GPR143: variants seen among roughly 807,000 people sequenced by gnomAD.
GPR143 encodes the protein G protein-coupled receptor 143, also known as G-protein coupled receptor 143.
Under a neutral mutation model 27.6 loss-of-function variants are expected in GPR143, and 8 were observed. The observed-to-expected ratio is 0.29, with a 90% CI of 0.17 to 0.52. The LOEUF (loss-of-function observed/expected upper bound fraction) is 0.52. Among genes scored for constraint, GPR143 ranks in the 20% least tolerant of loss-of-function variants. GPR143 has a pLI of 0.96. For synonymous variants in GPR143, 156 were observed against 153.2 expected (o/e 1.02, Z -0.13); for missense variants, 303 against 343.1 (o/e 0.88, Z 0.92).
At chrX:9,748,793 G>A (rs1341733389) in intron 3 of GPR143, 127 bp from the exon 4 acceptor site, 7 of 500,518 alleles carry the variant, frequency 1.4e-5, no homozygotes, top group Non-Finnish European at 2.2e-5. Flanking sequence ...CCTCGGCAAA[G>A]AGTTTCCTCG....
intron 3 of GPR143, among the ~76,000 whole-genome samples, chrX:9,754,159 C>A (rs1317979366): frequency 8.9e-6 from 1 of 111,834 alleles, no homozygotes; most frequent in African/African-American, 3.3e-5. Context: ...TCACAACCCC[C>A]ACCCCATCGG....
At position 9,765,803 on chromosome X, in the gene GPR143, G is replaced by T; in HGVS notation, c.15C>A (p.Arg5=). MASP[R]LGTFCCPTRD... is the part of the protein sequence containing the mutation. ...GCGTGGGGCAGCAGAAGGTCCCTAGGCGCGGGGAGGCCATGGGCTGTGTTC... is the reference window on the plus strand; with the variant it reads ...GCGTGGGGCAGCAGAAGGTCCCTAGTCGCGGGGAGGCCATGGGCTGTGTTC... The change falls in exon 1 of 9, where the codon CGC becomes CGA. Residue 5 remains arginine, a synonymous_variant. Coordinates refer to ENST00000467482, the MANE Select transcript of GPR143 (RefSeq NM_000273.3). The T allele has an allele frequency of 8.9e-7, 1 of 1,117,848 alleles. No homozygotes were observed. Among genetic ancestry groups the T allele is most frequent in the Non-Finnish European group, 1.2e-6 (1 of 853,234 alleles). The allele number at this position is 1,117,848 out of a possible 1,213,427, so 92.1% of individuals were successfully genotyped here.
chrX:9,760,537 G>C (rs1200698064), intron 2 of GPR143, among the ~76,000 whole-genome samples, 180 bp downstream of exon 2: 2 of 111,674 alleles, frequency 1.8e-5, no homozygotes, highest in Non-Finnish European at 3.8e-5. Flanking sequence ...AACAACACTT[G>C]AGTGTCTGGG....
At chrX:9,738,998 T>C (rs187218371) in intron 8 of GPR143, among the ~76,000 whole-genome samples, 16 of 112,438 alleles carry the variant, frequency 1.4e-4, no homozygotes, top group African/African-American at 5.2e-4. Flanking sequence ...CCTCAAGTGA[T>C]CCACCTGCCT....
At chrX:9,730,469 G>A (rs1347950974) in intron 8 of GPR143, among the ~76,000 whole-genome samples, 1 of 111,997 alleles carries the variant, frequency 8.9e-6, no homozygotes, top group East Asian at 2.8e-4. Context: ...TAGGGAGAGG[G>A]GAAGGTAACA....
At chrX:9,776,002 C>T (rs1785036205) in intron 1 of GPR143, among the ~76,000 whole-genome samples, 1 of 112,472 alleles carries the variant, frequency 8.9e-6, no homozygotes, top group African/African-American at 3.2e-5. Flanking sequence ...CTCAATTCCT[C>T]CTTAACCATA....
chrX:9,725,964 G>T, intron 8 of GPR143, 124 bp from the exon 9 acceptor site: 1 of 328,484 alleles, frequency 3.0e-6, no homozygotes, highest in African/African-American at 4.3e-5. Flanking sequence ...CAAAGTCCTA[G>T]CATTCATCTC....
intron 7 of GPR143, chrX:9,740,753 CTTTTT>C (rs374177494): frequency 1.9e-5 from 5 of 257,733 alleles, no homozygotes; most frequent in African/African-American, 6.9e-5. Context: ...TTCTTTCTTT[CTTTTT>C]TTTTTTTTTT....
Position 9,748,566 on chromosome X carries a change from C to T in GPR143, c.548+8G>A, listed in dbSNP as rs1601880281. The stretch of plus-strand genomic sequence containing the variant: ...GGGGCTGCCTGGGGCGCTGGAGTCC[C>T]AACTTACCTGGACACGGAAGGGTAG... On this transcript the variant is annotated splice_region_variant and intron_variant, in intron 4 of 8. Coordinates refer to ENST00000467482, the MANE Select transcript of GPR143 (RefSeq NM_000273.3). The T allele has an allele frequency of 8.5e-7, 1 of 1,175,683 alleles. No individual in the cohort carries two copies. Among genetic ancestry groups the T allele is most frequent in the Non-Finnish European group, 1.2e-6 (1 of 862,319 alleles).
intron 1 of GPR143, among the ~76,000 whole-genome samples, chrX:9,772,627 T>C (rs770558743): frequency 9.2e-6 from 1 of 109,196 alleles, no homozygotes; most frequent in African/African-American, 3.3e-5. Flanking sequence ...TTGGACAACA[T>C]ATAGTGAGAC....
At chrX:9,737,470 C>T (rs751413444) in intron 8 of GPR143, among the ~76,000 whole-genome samples, 12 of 112,106 alleles carry the variant, frequency 1.1e-4, no homozygotes, top group Non-Finnish European at 1.3e-4. Flanking sequence ...CACAACAGGA[C>T]GAATATTACA....
At chrX:9,753,490 G>A (rs1186791614) in intron 3 of GPR143, among the ~76,000 whole-genome samples, 1 of 110,513 alleles carries the variant, frequency 9.0e-6, no homozygotes, top group Non-Finnish European at 1.9e-5. Flanking sequence ...TGACTGCAAA[G>A]TTTTTTATGG....
chrX:9,767,632 C>T (rs987502193), upstream of GPR143, among the ~76,000 whole-genome samples: 3 of 111,698 alleles, frequency 2.7e-5, no homozygotes, highest in Admixed American at 9.6e-5. Flanking sequence ...CGTCTATAAA[C>T]GCAGCCTGTT....
intron 3 of GPR143, among the ~76,000 whole-genome samples, chrX:9,757,128 G>A (rs1446187404): frequency 8.9e-6 from 1 of 112,472 alleles, no homozygotes; most frequent in Non-Finnish European, 1.9e-5. Flanking sequence ...CACACTAGGT[G>A]GCTTATAAAC....
chrX:9,733,133 G>A (rs1405529060), intron 8 of GPR143, among the ~76,000 whole-genome samples: 1 of 110,274 alleles, frequency 9.1e-6, no homozygotes, highest in Non-Finnish European at 1.9e-5. Flanking sequence ...AATTGTGGGA[G>A]AAAGAAACAG....
At chrX:9,768,117 T>C, upstream of GPR143, among the ~76,000 whole-genome samples, 1 of 111,688 alleles carries the variant, frequency 9.0e-6, no homozygotes, top group Non-Finnish European at 1.9e-5. Context: ...GAATGCAGAT[T>C]CCTAGGGCCA....
upstream of GPR143, among the ~76,000 whole-genome samples, chrX:9,768,125 C>T (rs2083541890): frequency 9.0e-6 from 1 of 111,656 alleles, no homozygotes; most frequent in African/African-American, 3.3e-5. Flanking sequence ...ATTCCTAGGG[C>T]CATGGCACAG....
chrX:9,760,857 T>G (rs1207486556), intron 1 of GPR143, 31 bp from the exon 2 acceptor site: 1 of 777,612 alleles, frequency 1.3e-6, no homozygotes, highest in African/African-American at 2.0e-5. Flanking sequence ...ACTTTGTATC[T>G]GATCCTAATC....
At chrX:9,755,771 G>T (rs753567528) in intron 3 of GPR143, among the ~76,000 whole-genome samples, 2 of 112,032 alleles carry the variant, frequency 1.8e-5, no homozygotes, top group East Asian at 5.6e-4. Flanking sequence ...AAGTGTCCTG[G>T]ATTGCCTACC....
Sources: gnomAD v4.1 joint callset for allele counts (sites outside exome capture counted in the v4.1 genomes callset) on GRCh38, gnomAD v4.1.1 for gene constraint, MANE v1.5 for transcripts, NCBI Gene and HGNC (gene_info 2026-07-23, HGNC 2026-07-21) for gene names.